Variants in CCDC7 observed in about 807,000 individuals in gnomAD.
The protein encoded by CCDC7 is coiled-coil domain containing 7.
Under a neutral mutation model 196.9 loss-of-function variants are expected in CCDC7, and 183 were observed. The ratio of observed to expected loss-of-function variants is 0.93; its 90% confidence interval spans 0.82 to 1.05. The LOEUF (loss-of-function observed/expected upper bound fraction) is 1.05, where lower values mean the gene tolerates loss of function less well. CCDC7 is among the 50% of genes least tolerant of loss of function. The pLI, the probability that CCDC7 is intolerant of heterozygous loss-of-function variation, is 0.00. For synonymous variants in CCDC7, 525 were observed against 484.6 expected, an observed-to-expected ratio of 1.08 and a Z score of -1.10; for missense variants, 1,540 against 1,482.2, an observed-to-expected ratio of 1.04 and a Z score of -0.64.
intron 18 of CCDC7, among the ~76,000 whole-genome samples, chr10:32,630,860 T>G (rs1401484458): frequency 1.3e-5 from 2 of 152,180 alleles, no homozygotes; most frequent in Non-Finnish European, 2.9e-5. Flanking sequence ...CTTCTTCCAG[T>G]CAGGAAATGG....
At chr10:32,541,173 C>T (rs1174972669) in intron 11 of CCDC7, among the ~76,000 whole-genome samples, 2 of 151,908 alleles carry the variant, frequency 1.3e-5, no homozygotes, top group South Asian at 4.2e-4. Context: ...GAGGCAAATT[C>T]AGGCAGAAGT....
intron 24 of CCDC7, among the ~76,000 whole-genome samples, chr10:32,700,610 A>T (rs2078535704): frequency 6.6e-6 from 1 of 152,184 alleles, no homozygotes; most frequent in African/African-American, 2.4e-5. Context: ...TGGTAGCTAG[A>T]TGGGGATGGC....
At chr10:32,772,825 A>C (rs887574213) in intron 28 of CCDC7, among the ~76,000 whole-genome samples, 1 of 152,118 alleles carries the variant, frequency 6.6e-6, no homozygotes, top group African/African-American at 2.4e-5. Flanking sequence ...GGGGGTGTGT[A>C]TGCCAGAGGC....
chr10:32,603,428 C>T (rs1206740203), intron 18 of CCDC7, among the ~76,000 whole-genome samples: 1 of 151,874 alleles, frequency 6.6e-6, no homozygotes, highest in African/African-American at 2.4e-5. Flanking sequence ...GTAGGTATTC[C>T]TTTGATATAC....
At chr10:32,674,853 T>C (rs2074657029) in intron 21 of CCDC7, among the ~76,000 whole-genome samples, 1 of 151,950 alleles carries the variant, frequency 6.6e-6, no homozygotes, top group Non-Finnish European at 1.5e-5. Flanking sequence ...GTGGTGACCT[T>C]TTTTTTGTCT....
chr10:32,510,185 T>G (rs1014083301), intron 9 of CCDC7, among the ~76,000 whole-genome samples: 1 of 152,162 alleles, frequency 6.6e-6, no homozygotes, highest in African/African-American at 2.4e-5. Context: ...TATTCACCCT[T>G]AAGAAATTAG....
At chr10:32,542,076 G>A (rs2051539591) in intron 11 of CCDC7, among the ~76,000 whole-genome samples, 1 of 152,148 alleles carries the variant, frequency 6.6e-6, no homozygotes, top group Admixed American at 6.5e-5. Flanking sequence ...TGCTCTGTGA[G>A]AATGGTGCAT....
At chr10:32,508,350 T>C (rs79815385) in intron 9 of CCDC7, among the ~76,000 whole-genome samples, 5 of 152,250 alleles carry the variant, frequency 3.3e-5, no homozygotes, top group Non-Finnish European at 5.9e-5. Flanking sequence ...GTAAAAGATA[T>C]GCACACAGAA....
At chr10:32,717,436 C>A (rs1460564641) in intron 25 of CCDC7, among the ~76,000 whole-genome samples, 1 of 152,018 alleles carries the variant, frequency 6.6e-6, no homozygotes, top group East Asian at 1.9e-4. Flanking sequence ...GTGGGAAAGA[C>A]CTAAAATCCG....
chr10:32,506,856 GGGGAGA>G (rs373707600), intron 9 of CCDC7, among the ~76,000 whole-genome samples: 12 of 151,930 alleles, frequency 7.9e-5, no homozygotes, highest in South Asian at 4.1e-4. Context: ...TAGAAAGAAA[GGGGAGA>G]GGGAGAGGGA....
At chr10:32,674,785 G>C (rs1337878069) in intron 21 of CCDC7, among the ~76,000 whole-genome samples, 1 of 151,970 alleles carries the variant, frequency 6.6e-6, no homozygotes, top group Non-Finnish European at 1.5e-5. Flanking sequence ...ATATATTTTT[G>C]AGATGGAGTC....
At chr10:32,640,499 C>T (rs2139821315) in intron 20 of CCDC7, among the ~76,000 whole-genome samples, 4 of 152,164 alleles carry the variant, frequency 2.6e-5, no homozygotes, top group African/African-American at 9.6e-5. Flanking sequence ...GAGCTTTTAG[C>T]CTATTTACAT....
At chr10:32,637,606 G>A (rs559762055) in intron 20 of CCDC7, among the ~76,000 whole-genome samples, 21 of 152,106 alleles carry the variant, frequency 1.4e-4, no homozygotes, top group South Asian at 8.3e-4. Context: ...TTTTGGTACC[G>A]GTACCATGCT....
chr10:32,768,987 C>T (rs1048855760), intron 28 of CCDC7, among the ~76,000 whole-genome samples: 2 of 151,884 alleles, frequency 1.3e-5, no homozygotes, highest in Admixed American at 1.3e-4. Context: ...TTTTGTGTGT[C>T]CTTGTTCAGC....
chr10:32,588,492 T>C (rs1303597906), intron 18 of CCDC7, among the ~76,000 whole-genome samples: 2 of 152,356 alleles, frequency 1.3e-5, no homozygotes, highest in South Asian at 4.1e-4. Flanking sequence ...GAACCACACT[T>C]TCTTTCCTGG....
At chr10:32,716,148 A>G (rs2081537950) in intron 25 of CCDC7, among the ~76,000 whole-genome samples, 3 of 152,242 alleles carry the variant, frequency 2.0e-5, no homozygotes, top group Admixed American at 2.0e-4. Flanking sequence ...AAGGGCAGCC[A>G]GAGAGAAAGG....
At chr10:32,774,576 C>T (rs1232443505) in intron 28 of CCDC7, among the ~76,000 whole-genome samples, 1 of 152,184 alleles carries the variant, frequency 6.6e-6, no homozygotes, top group Non-Finnish European at 1.5e-5. Flanking sequence ...GGAAGTTTCT[C>T]CACTACTCCC....
intron 41 of CCDC7, among the ~76,000 whole-genome samples, chr10:32,855,609 G>T (rs879070210): frequency 6.6e-6 from 1 of 152,116 alleles, no homozygotes; most frequent in Non-Finnish European, 1.5e-5. Flanking sequence ...TGATCTGACA[G>T]GAGGCAGAGC....
chr10:32,688,894 C>G (rs1045579713), intron 22 of CCDC7, among the ~76,000 whole-genome samples, 159 bp from the exon 24 acceptor site: 1 of 152,166 alleles, frequency 6.6e-6, no homozygotes, highest in African/African-American at 2.4e-5. Flanking sequence ...CATTGAAACT[C>G]TTCTCACCAT....
Sources: gnomAD v4.1 joint callset for allele counts (sites outside exome capture counted in the v4.1 genomes callset) on GRCh38, gnomAD v4.1.1 for gene constraint, MANE v1.5 for transcripts, NCBI Gene and HGNC (gene_info 2026-07-23, HGNC 2026-07-21) for gene names.